Variants in TP53BP1 observed in about 807,000 individuals in gnomAD.
TP53BP1 encodes tumor protein p53 binding protein 1.
TP53BP1 carries 61 observed loss-of-function variants against 200.8 expected under a neutral mutation model. The ratio of observed to expected loss-of-function variants is 0.30; its 90% CI spans 0.25 to 0.38. The LOEUF is 0.38. Among genes scored for constraint, TP53BP1 ranks in the 10% least tolerant of loss-of-function variants. The pLI, the probability that TP53BP1 is intolerant of heterozygous loss-of-function variation, is 1.00. For synonymous variants in TP53BP1, 822 were observed against 844.3 expected (o/e 0.97, Z 0.46); for missense variants, 2,144 against 2,371.9 (o/e 0.90, Z 2.00).
At chr15:43,438,215 T>G in intron 16 of TP53BP1, 109 bp downstream of exon 16, 1 of 914,540 alleles carries the variant, frequency 1.1e-6, no homozygotes, top group Non-Finnish European at 1.7e-6. Context: ...GGGGTTAAGT[T>G]TCCAACACAT....
At position 43,455,540 on chromosome 15, in the gene TP53BP1, T is replaced by C. The variant is rs1185783594; in HGVS notation, c.2716+352A>G. Among the ~76,000 whole-genome samples the C allele has an allele frequency of 2.0e-5, 3 of 152,118 alleles. No individual in the cohort carries two copies. The East Asian group carries it at 5.8e-4, about 29-fold the overall frequency. ...TTCGAGACTAGCCTGGCTAACATGG[T>C]GAAACCCCATCTCTACTAAAAATAC... On this transcript the variant is annotated intron_variant, in intron 12 of 27. Coordinates refer to ENST00000382044, the MANE Select transcript of TP53BP1 (RefSeq NM_001141980.3).
chr15:43,421,688 C>T, intron 19 of TP53BP1, 167 bp downstream of exon 19: 1 of 985,056 alleles, frequency 1.0e-6, no homozygotes, highest in Non-Finnish European at 1.5e-6. Flanking sequence ...CACCCTACTT[C>T]CCACACAAAC....
intron 1 of TP53BP1, among the ~76,000 whole-genome samples, chr15:43,507,722 CT>C (rs900254099): frequency 4.7e-4 from 68 of 144,950 alleles, no homozygotes; most frequent in Admixed American, 6.2e-4. Context: ...TTTCTTTTTT[CT>C]TTTTTTTTTT....
Position 43,405,258 on chromosome 15 carries a change from G to A in TP53BP1, c.*2125C>T. ...TTGAAATAACAGCCACGTTCCCAAGGTTGTAACAGAAGATTCAAAACATCC... is the reference window on the plus strand; with the variant it reads ...TTGAAATAACAGCCACGTTCCCAAGATTGTAACAGAAGATTCAAAACATCC... On this transcript the variant is annotated 3_prime_UTR_variant, in exon 28 of 28. Transcript: ENST00000382044. 1 of 1,609,906 alleles carries A rather than the reference G, an allele frequency of 6.2e-7. No individual in the cohort carries two copies. Among genetic ancestry groups the A allele is most frequent in the Non-Finnish European group, 8.5e-7 (1 of 1,176,280 alleles).
chr15:43,452,267 TA>T (rs2046188444), intron 12 of TP53BP1, among the ~76,000 whole-genome samples: 1 of 152,218 alleles, frequency 6.6e-6, no homozygotes, highest in Non-Finnish European at 1.5e-5. Flanking sequence ...TTTTCTAAGT[TA>T]AAAACTATTG....
rs904741357 is a variant in TP53BP1 at position 43,432,357 on chromosome 15, G to T, written c.3512C>A (p.Thr1171Asn). Reference sequence around the variant, plus strand: ...TATAGTCTGGGTTGCTGCTGAAACAGTTTCTGGGACCCTCAAGGAACACTC... The same window carrying T: ...TATAGTCTGGGTTGCTGCTGAAACATTTTCTGGGACCCTCAAGGAACACTC... Reference protein sequence around the residue: ...TMECSLRVPETVSAATQTIKN... With the variant: ...TMECSLRVPENVSAATQTIKN... The change falls in exon 17 of 28, where the codon ACT (threonine) becomes AAT (asparagine). Residue 1171 changes from threonine (T) to asparagine (N), a missense_variant. Around this residue, in one of 4 missense-constraint regions of TP53BP1, gnomAD observed 1,700 missense variants for 1,710.3 expected, o/e 0.99. Transcript: ENST00000382044. The T allele has an allele frequency of 6.2e-7, 1 of 1,614,090 alleles. No individual in the cohort carries two copies. Among genetic ancestry groups the T allele is most frequent in the Non-Finnish European group, 8.5e-7 (1 of 1,180,036 alleles).
At chr15:43,428,517 C>A (rs2045601279) in intron 17 of TP53BP1, among the ~76,000 whole-genome samples, 1 of 152,156 alleles carries the variant, frequency 6.6e-6, no homozygotes, top group Non-Finnish European at 1.5e-5. Flanking sequence ...TGCTATCTTG[C>A]AAATTAGTAA....
In TP53BP1 at chr15:43,474,758, T is replaced by C; in HGVS notation, c.1095A>G (p.Ser365=). 6.2e-7 allele frequency: 1 copy of C among 1,608,118 alleles called. No individual in the cohort carries two copies. Among genetic ancestry groups the C allele is most frequent in the Non-Finnish European group, 8.5e-7 (1 of 1,174,686 alleles). ...CATCAGGAGAAGGAGCAACAAGATC[T>C]GAAGAATTCCTTTATATAAAGAGAG... ...LVQDSLSTNS[S]DLVAPSPDAF... Residue 365 remains serine (S), a synonymous_variant, in exon 10 of 28, where the codon TCA becomes TCG. Coordinates refer to ENST00000382044, the MANE Select transcript of TP53BP1 (RefSeq NM_001141980.3).
At chr15:43,416,156 C>A in intron 22 of TP53BP1, 69 bp downstream of exon 22, 1 of 1,397,944 alleles carries the variant, frequency 7.2e-7, no homozygotes, top group South Asian at 1.3e-5. Context: ...ACTGACAGGT[C>A]CAGAATCTCC....
At chr15:43,490,532 TTTC>T (rs1323500062) in intron 4 of TP53BP1, among the ~76,000 whole-genome samples, 1 of 152,128 alleles carries the variant, frequency 6.6e-6, no homozygotes, top group African/African-American at 2.4e-5. Context: ...CCAAAAACCA[TTTC>T]TTTTTAAGAA....
At chr15:43,460,220 T>G (rs1483413226) in intron 11 of TP53BP1, among the ~76,000 whole-genome samples, 2 of 152,152 alleles carry the variant, frequency 1.3e-5, no homozygotes, top group African/African-American at 4.8e-5. Flanking sequence ...GATGTAAAAC[T>G]CCCAACATAG....
intron 14 of TP53BP1, among the ~76,000 whole-genome samples, chr15:43,445,185 T>C (rs1033719374): frequency 6.6e-6 from 1 of 152,142 alleles, no homozygotes; most frequent in African/African-American, 2.4e-5. Flanking sequence ...CATCTCCTCT[T>C]CCTCATCCTT....
chr15:43,469,884 T>C lies in TP53BP1; in HGVS notation c.1363A>G (p.Ile455Val), dbSNP rs760167995. Residue 455 changes from isoleucine to valine, a missense_variant, in exon 11 of 28, where the codon ATC becomes GTC. By Grantham distance (29) the Ile-to-Val change is conservative. Coordinates refer to ENST00000382044, the MANE Select transcript of TP53BP1 (RefSeq NM_001141980.3). ...TPVFPPGSLP[I>V]PSQPQFSHDI... is the part of the protein sequence containing the mutation. ...TGAGAAAACTGAGGCTGGGATGGGA[T>C]AGGAAGTGACCCAGGAGGGAAGACT... 5 of 1,585,428 alleles carry C rather than the reference T, an allele frequency of 3.2e-6. No homozygotes were observed. The South Asian group carries it at 4.4e-5, about 14-fold the overall frequency.
chr15:43,405,406 C>G lies in TP53BP1; in HGVS notation c.*1977G>C. 3.2e-6 allele frequency: 2 copies of G among 628,316 alleles called. No individual in the cohort carries two copies. The highest frequency in any genetic ancestry group is 5.6e-6 in the Non-Finnish European group (2 of 355,756). The allele number at this position is 628,316 out of a possible 1,614,324, so 38.9% of individuals were successfully genotyped here. A position where few individuals can be genotyped will look rare whatever the true frequency, so the allele number is the denominator to read the frequency against. On this transcript the variant is annotated 3_prime_UTR_variant, in exon 28 of 28. Coordinates refer to ENST00000382044, the MANE Select transcript of TP53BP1 (RefSeq NM_001141980.3). Reference sequence around the variant, plus strand: ...TCCCATCATTCCCATGTGGAAGGGTCTCTCCCATCAAGGAGAACATGTGGC... The same window carrying G: ...TCCCATCATTCCCATGTGGAAGGGTGTCTCCCATCAAGGAGAACATGTGGC...
intron 24 of TP53BP1, 74 bp downstream of exon 24, chr15:43,413,045 C>T: frequency 6.9e-7 from 1 of 1,440,736 alleles, no homozygotes; most frequent in Non-Finnish European, 9.6e-7. Context: ...ACAGGGGGAC[C>T]ACCAGCTCAT....
In TP53BP1 at chr15:43,479,486, T is replaced by C; in HGVS notation, c.699A>G (p.Ile233Met). The C allele has an allele frequency of 3.7e-6, 6 of 1,613,796 alleles. No homozygotes were observed. Among genetic ancestry groups the C allele is most frequent in the South Asian group, 1.1e-5 (1 of 91,022 alleles). ...GGATGTCCTTGCTGGACTGTTCTGC[T>C]ATGGGGATATCTTCGTTGGACTGTT... is the stretch of plus-strand genomic sequence containing the variant. ...HEEQSNEDIP[I>M]AEQSSKDIPV... Residue 233 changes from isoleucine (I) to methionine (M), a missense_variant, in exon 7 of 28, where the codon ATA becomes ATG. By Grantham distance (10) the Ile-to-Met change is conservative (BLOSUM62 1). This residue lies in a region of TP53BP1 where 1,700 missense variants were observed against 1,710.3 expected (regional missense o/e 0.99). Coordinates refer to ENST00000382044, the MANE Select transcript of TP53BP1 (RefSeq NM_001141980.3).
In TP53BP1 at chr15:43,403,583, A is replaced by C; in HGVS notation, c.*3800T>G. 1.1e-6 allele frequency: 1 copy of C among 881,640 alleles called. No individual in the cohort carries two copies. The highest frequency in any genetic ancestry group is 2.5e-5 in the East Asian group (1 of 40,216). The allele number at this position is 881,640 out of a possible 1,614,324, so 54.6% of individuals were successfully genotyped here. A position where few individuals can be genotyped will look rare whatever the true frequency, so the allele number is the denominator to read the frequency against. On this transcript the variant is annotated 3_prime_UTR_variant, in exon 28 of 28. Coordinates refer to ENST00000382044, the MANE Select transcript of TP53BP1 (RefSeq NM_001141980.3). ...TCCTGTCAGATTTGGGAGGTCAGCTATTAATTAGATCAGCTATTAATCAGA... is the reference window on the plus strand; with the variant it reads ...TCCTGTCAGATTTGGGAGGTCAGCTCTTAATTAGATCAGCTATTAATCAGA...
chr15:43,404,643 C>T lies in TP53BP1; in HGVS notation c.*2740G>A. On this transcript the variant is annotated 3_prime_UTR_variant, in exon 28 of 28. Transcript: ENST00000382044. ...CTAGAACTGGAAGAAGACTTTAGTCCAAATACCCTCATTTTATAAGTAAGG... is the reference window on the plus strand; with the variant it reads ...CTAGAACTGGAAGAAGACTTTAGTCTAAATACCCTCATTTTATAAGTAAGG... 7.5e-7 allele frequency: 1 copy of T among 1,340,514 alleles called. No individual in the cohort carries two copies. 83.0% of individuals were successfully genotyped at this position (1,340,514 alleles called of 1,614,324 possible).
At chr15:43,446,973 C>G in intron 13 of TP53BP1, 2 of 533,770 alleles carry the variant, frequency 3.7e-6, no homozygotes, top group South Asian at 3.1e-5. Context: ...GAAGGAGGAT[C>G]TAAGTTTTCT....
Sources: allele counts gnomAD v4.1 joint callset (sites outside exome capture counted in the v4.1 genomes callset), GRCh38; gene constraint gnomAD v4.1.1; regional missense constraint gnomAD v4.1.1; transcripts MANE v1.5; gene names NCBI Gene and HGNC (gene_info 2026-07-23, HGNC 2026-07-21).